NRG1: variants seen among roughly 807,000 people sequenced by gnomAD.
NRG1 encodes neuregulin 1, also known as pro-neuregulin-1, membrane-bound isoform.
In NRG1, 18 loss-of-function variants were observed where a neutral mutation model predicts 63.8. The ratio of observed to expected loss-of-function variants is 0.28; its 90% confidence interval spans 0.19 to 0.42. NRG1 has a LOEUF of 0.42. Among genes scored for constraint, NRG1 ranks in the 10% least tolerant of loss-of-function variants. NRG1 has a pLI of 1.00. For missense variants in NRG1, 762 were observed against 814.7 expected (o/e 0.94, Z 0.79); for synonymous variants, 302 against 301.3 (o/e 1.00, Z -0.02).
chr8:32,001,081 CT>C (rs1563667064), intron 1 of NRG1, among the ~76,000 whole-genome samples: 1 of 152,038 alleles, frequency 6.6e-6, no homozygotes, highest in Admixed American at 6.6e-5. Flanking sequence ...CATGTTCCCC[CT>C]ATTATGAACA....
chr8:32,007,702 G>A (rs1290117315), intron 1 of NRG1, among the ~76,000 whole-genome samples: 1 of 151,982 alleles, frequency 6.6e-6, no homozygotes, highest in Non-Finnish European at 1.5e-5. Context: ...CAATTCTATA[G>A]GGTTTGCCCT....
At chr8:31,673,749 CT>C (rs1807394133) in intron 1 of NRG1, among the ~76,000 whole-genome samples, 1 of 152,110 alleles carries the variant, frequency 6.6e-6, no homozygotes, top group East Asian at 1.9e-4. Flanking sequence ...CTATAAATAT[CT>C]TAATTTTCAT....
At chr8:32,155,867 T>C (rs895872485) in intron 1 of NRG1, among the ~76,000 whole-genome samples, 1 of 152,254 alleles carries the variant, frequency 6.6e-6, no homozygotes, top group African/African-American at 2.4e-5. Context: ...CAAGTTATTA[T>C]TGATTTTGTC....
At chr8:31,932,357 G>T (rs1214586438) in intron 1 of NRG1, among the ~76,000 whole-genome samples, 2 of 152,154 alleles carry the variant, frequency 1.3e-5, no homozygotes, top group Non-Finnish European at 2.9e-5. Context: ...GTATCTTATA[G>T]AATCAGCTAC....
chr8:32,295,223 G>A (rs1854696769), intron 1 of NRG1, among the ~76,000 whole-genome samples: 1 of 152,062 alleles, frequency 6.6e-6, no homozygotes, highest in African/African-American at 2.4e-5. Flanking sequence ...TCCAAATAAT[G>A]AAATGATTTC....
intron 1 of NRG1, among the ~76,000 whole-genome samples, chr8:32,213,831 A>G (rs770736419): frequency 6.6e-6 from 1 of 152,122 alleles, no homozygotes; most frequent in Non-Finnish European, 1.5e-5. Context: ...TAGTGTGTGC[A>G]TTGGGCTCAC....
intron 1 of NRG1, among the ~76,000 whole-genome samples, chr8:31,896,502 A>G (rs887548014): frequency 6.6e-6 from 1 of 152,158 alleles, no homozygotes; most frequent in African/African-American, 2.4e-5. Flanking sequence ...GTCCTGCTTT[A>G]AATGTTACCA....
intron 1 of NRG1, among the ~76,000 whole-genome samples, chr8:31,675,843 A>T (rs1807638130): frequency 6.6e-6 from 1 of 152,160 alleles, no homozygotes; most frequent in Admixed American, 6.5e-5. Flanking sequence ...GGTGAAGAAA[A>T]TGACTTGTCA....
intron 1 of NRG1, among the ~76,000 whole-genome samples, chr8:32,332,240 C>T (rs16879134): frequency 0.093 from 14,200 of 152,222 alleles, 909 homozygotes; most frequent in Middle Eastern, 0.18. Context: ...CTGTCTTTGG[C>T]CTTAAAGGAA....
intron 1 of NRG1, among the ~76,000 whole-genome samples, chr8:32,177,206 T>G (rs1288813978): frequency 6.6e-6 from 1 of 151,936 alleles, no homozygotes; most frequent in Non-Finnish European, 1.5e-5. Flanking sequence ...GAAACCATCA[T>G]TCTCAGCAAA....
At chr8:32,407,785 C>T (rs919810423) in intron 1 of NRG1, among the ~76,000 whole-genome samples, 10 of 152,120 alleles carry the variant, frequency 6.6e-5, no homozygotes, top group African/African-American at 2.4e-4. Context: ...AAGCTCTGAT[C>T]ATAAGGGAAT....
intron 1 of NRG1, among the ~76,000 whole-genome samples, chr8:32,375,744 C>A (rs1809539757): frequency 6.6e-6 from 1 of 152,192 alleles, no homozygotes; most frequent in South Asian, 2.1e-4. Context: ...AGCTAATTTT[C>A]TGTTCACATA....
intron 1 of NRG1, among the ~76,000 whole-genome samples, chr8:31,871,612 TA>T (rs1460221565): frequency 6.6e-6 from 1 of 151,878 alleles, no homozygotes; most frequent in African/African-American, 2.4e-5. Context: ...GGACTTTCAC[TA>T]AAAAACTGTG....
At chr8:31,908,072 G>A (rs1346915583) in intron 1 of NRG1, among the ~76,000 whole-genome samples, 1 of 152,108 alleles carries the variant, frequency 6.6e-6, no homozygotes, top group Non-Finnish European at 1.5e-5. Context: ...TGTATTTGGA[G>A]CCCTGGATCT....
chr8:32,582,461 T>A (rs1248622114), intron 1 of NRG1, among the ~76,000 whole-genome samples: 2 of 152,186 alleles, frequency 1.3e-5, no homozygotes, highest in Non-Finnish European at 2.9e-5. Context: ...ATTTAATTAA[T>A]TCCTTATGAG....
intron 1 of NRG1, among the ~76,000 whole-genome samples, chr8:31,843,880 G>A (rs1043992576): frequency 5.9e-5 from 9 of 152,194 alleles, no homozygotes; most frequent in Admixed American, 2.6e-4. Context: ...CATTGTCAAT[G>A]TGGTAAGTAT....
At chr8:32,536,922 C>CAAAAAAAAAAA (rs35265022) in intron 1 of NRG1, among the ~76,000 whole-genome samples, 2 of 35,914 alleles carry the variant, frequency 5.6e-5, no homozygotes, top group African/African-American at 1.5e-4. Context: ...GACTCCGTCT[C>CAAAAAAAAAAA]AAAAAAAAAA....
At chr8:32,103,934 T>C (rs1830911730) in intron 1 of NRG1, among the ~76,000 whole-genome samples, 1 of 152,200 alleles carries the variant, frequency 6.6e-6, no homozygotes, top group African/African-American at 2.4e-5. Flanking sequence ...GGGAGGATTT[T>C]ATCCAAAGAA....
At chr8:32,532,870 T>C (rs910565009) in intron 1 of NRG1, among the ~76,000 whole-genome samples, 1 of 152,088 alleles carries the variant, frequency 6.6e-6, no homozygotes, top group Admixed American at 6.5e-5. Flanking sequence ...TGCATACATT[T>C]GTGTAATTTT....
Sources: gnomAD v4.1 joint callset for allele counts (sites outside exome capture counted in the v4.1 genomes callset) on GRCh38, gnomAD v4.1.1 for gene constraint, MANE v1.5 for transcripts, NCBI Gene and HGNC (gene_info 2026-07-23, HGNC 2026-07-21) for gene names.